The following DCDC1 variants were observed in gnomAD, a reference collection of about 807,000 sequenced individuals.
DCDC1 encodes the protein doublecortin domain-containing protein 1.
A neutral mutation model predicts 178.3 loss-of-function variants in DCDC1; 200 were observed. The observed-to-expected ratio is 1.12, with a 90% CI of 1.00 to 1.26. The LOEUF (loss-of-function observed/expected upper bound fraction) is 1.26. DCDC1 is among the 50% of genes most tolerant of loss of function. The probability of loss-of-function intolerance (pLI) is 0.00; values close to 1 mark genes in which losing one functional copy is unlikely to be tolerated. For missense variants in DCDC1, 1,983 were observed against 1,749.2 expected (o/e 1.13, Z -2.38); for synonymous variants, 690 against 604.8 (o/e 1.14, Z -2.07).
At chr11:30,894,810 A>C (rs1251307788) in intron 34 of DCDC1, among the ~76,000 whole-genome samples, 2 of 152,222 alleles carry the variant, frequency 1.3e-5, no homozygotes, top group African/African-American at 4.8e-5. Context: ...CTGGGGATTA[A>C]GTATTTCTAA....
chr11:30,872,016 T>C (rs1055940927), intron 38 of DCDC1, among the ~76,000 whole-genome samples: 6 of 152,166 alleles, frequency 3.9e-5, no homozygotes, highest in Non-Finnish European at 5.9e-5. Context: ...GTGTATTACA[T>C]TAAGCTTGTT....
intron 20 of DCDC1, among the ~76,000 whole-genome samples, chr11:30,995,503 G>C (rs1043331643): frequency 1.5e-4 from 23 of 152,062 alleles, no homozygotes; most frequent in Non-Finnish European, 2.8e-4. Context: ...CCCAATTCCA[G>C]GTCTTGCTAT....
At chr11:31,275,193 C>A (rs1035195290) in intron 7 of DCDC1, among the ~76,000 whole-genome samples, 1 of 152,026 alleles carries the variant, frequency 6.6e-6, no homozygotes. Flanking sequence ...ATCTTTTGAT[C>A]AAGATTCTGA....
At chr11:31,111,033 C>T (rs961918085) in intron 11 of DCDC1, among the ~76,000 whole-genome samples, 1 of 152,078 alleles carries the variant, frequency 6.6e-6, no homozygotes, top group Admixed American at 6.6e-5. Flanking sequence ...TAAACCAGTC[C>T]CGACAGGATG....
intron 8 of DCDC1, chr11:31,262,880 G>A (rs1229734492): frequency 1.9e-6 from 1 of 533,112 alleles, no homozygotes; most frequent in Non-Finnish European, 3.2e-6. Context: ...CAGTGAACTT[G>A]TAATGCTTCC....
intron 3 of DCDC1, among the ~76,000 whole-genome samples, chr11:31,326,247 A>C (rs2137835396): frequency 6.6e-6 from 1 of 152,292 alleles, no homozygotes; most frequent in African/African-American, 2.4e-5. Context: ...TCACATGAGA[A>C]GAAAGACTGA....
At chr11:30,873,433 C>A (rs375564616) in intron 38 of DCDC1, among the ~76,000 whole-genome samples, 16 of 150,308 alleles carry the variant, frequency 1.1e-4, no homozygotes, top group Non-Finnish European at 4.4e-5. Context: ...AACTAATTTT[C>A]TTTGTATTCT....
Position 31,118,671 on chromosome 11 carries a change from G to T in DCDC1, c.1486-8310C>A, listed in dbSNP as rs930416479. 1.3e-4 allele frequency among the ~76,000 whole-genome samples: 20 copies of T among 152,216 alleles called. 1 individual carries two copies. Among genetic ancestry groups the T allele is most frequent in the Admixed American group, 3.9e-4 (6 of 15,282 alleles). Reference sequence around the variant, plus strand: ...ACAATCTCACTGAGAGAGAGTGTGTGCCTGCAACAGTAAGGTTCAGTGGTT... The same window carrying T: ...ACAATCTCACTGAGAGAGAGTGTGTTCCTGCAACAGTAAGGTTCAGTGGTT... On this transcript the variant is annotated intron_variant, in intron 11 of 38. Transcript: ENST00000684477.
intron 2 of DCDC1, among the ~76,000 whole-genome samples, chr11:31,333,575 T>A (rs958892777): frequency 6.6e-6 from 1 of 152,306 alleles, no homozygotes; most frequent in South Asian, 2.1e-4. Context: ...GCAGGCCTGG[T>A]GGTGACAAAA....
At chr11:31,136,507 T>C (rs1963149615) in intron 10 of DCDC1, among the ~76,000 whole-genome samples, 1 of 152,138 alleles carries the variant, frequency 6.6e-6, no homozygotes, top group African/African-American at 2.4e-5. Context: ...CCTGTTCATC[T>C]ATTACAAAAC....
At chr11:31,067,169 G>A (rs1051218348) in intron 18 of DCDC1, among the ~76,000 whole-genome samples, 1 of 152,064 alleles carries the variant, frequency 6.6e-6, no homozygotes, top group African/African-American at 2.4e-5. Flanking sequence ...CCTACAGAAT[G>A]AGACAAAATA....
Position 31,054,702 on chromosome 11 carries a change from C to G in DCDC1, c.2591+9767G>C, listed in dbSNP as rs543183043. On this transcript the variant is annotated intron_variant, in intron 20 of 38. Coordinates refer to ENST00000684477, the MANE Select transcript of DCDC1 (RefSeq NM_001387274.1). ...ACCCAAATACTTACAGCCAACTGAT[C>G]TTAGACAAAGCAAACAAAAACATGA... Among the ~76,000 whole-genome samples the G allele has an allele frequency of 7.9e-5, 12 of 152,248 alleles. No homozygotes were observed. The East Asian group carries it at 2.3e-3, about 29-fold the overall frequency.
At chr11:31,358,595 C>A (rs370244381) in intron 1 of DCDC1, among the ~76,000 whole-genome samples, 57 of 151,772 alleles carry the variant, frequency 3.8e-4, no homozygotes, top group Middle Eastern at 3.4e-3. Context: ...AATGGGATCT[C>A]ATTAAACTAA....
chr11:31,060,531 T>A (rs955350424), intron 20 of DCDC1, among the ~76,000 whole-genome samples: 3 of 152,140 alleles, frequency 2.0e-5, no homozygotes, highest in African/African-American at 7.2e-5. Context: ...GAAGTTTATA[T>A]TTTTAGATAA....
chr11:31,144,428 T>C (rs1964211149), intron 9 of DCDC1, among the ~76,000 whole-genome samples: 1 of 152,196 alleles, frequency 6.6e-6, no homozygotes, highest in Non-Finnish European at 1.5e-5. Context: ...TGAACCACCG[T>C]GCCCGGCCAA....
intron 8 of DCDC1, among the ~76,000 whole-genome samples, chr11:31,244,015 A>C (rs1977516041): frequency 6.6e-6 from 1 of 150,770 alleles, no homozygotes; most frequent in Non-Finnish European, 1.5e-5. Flanking sequence ...AAAGGAAGAC[A>C]AAGCACACTC....
At chr11:31,046,714 A>G (rs1454600149) in intron 20 of DCDC1, among the ~76,000 whole-genome samples, 1 of 151,780 alleles carries the variant, frequency 6.6e-6, no homozygotes, top group Non-Finnish European at 1.5e-5. Flanking sequence ...ATTATGACCT[A>G]CCTCGTGATG....
chr11:31,172,673 A>C (rs2136229851), intron 9 of DCDC1, among the ~76,000 whole-genome samples: 1 of 152,326 alleles, frequency 6.6e-6, no homozygotes, highest in African/African-American at 2.4e-5. Flanking sequence ...CAATAACATA[A>C]GCTAGAGAAA....
intron 8 of DCDC1, among the ~76,000 whole-genome samples, chr11:31,249,502 C>T (rs937040273): frequency 3.3e-5 from 5 of 152,082 alleles, no homozygotes; most frequent in African/African-American, 1.2e-4. Context: ...TAGATGAAGT[C>T]CTATGCCAGG....
Sources: allele counts gnomAD v4.1 joint callset (sites outside exome capture counted in the v4.1 genomes callset), GRCh38; gene constraint gnomAD v4.1.1; transcripts MANE v1.5; gene names NCBI Gene and HGNC (gene_info 2026-07-23, HGNC 2026-07-21).